Variants in FLNB observed in about 807,000 individuals in gnomAD.
FLNB encodes filamin B.
A neutral mutation model predicts 250.6 loss-of-function variants in FLNB; 111 were observed. The observed-to-expected ratio is 0.44, with a 90% CI of 0.38 to 0.52. The LOEUF (loss-of-function observed/expected upper bound fraction) is 0.52, where lower values mean the gene tolerates loss of function less well. Ranked by LOEUF, FLNB falls within the 20% of genes least tolerant of loss-of-function variation. FLNB has a pLI of 0.00. For synonymous variants in FLNB, 1,302 were observed against 1,372.1 expected (o/e 0.95, Z 1.13); for missense variants, 2,869 against 3,447.8 (o/e 0.83, Z 4.20).
chr3:58,024,916 T>C (rs1271814344), intron 1 of FLNB, among the ~76,000 whole-genome samples: 1 of 151,046 alleles, frequency 6.6e-6, no homozygotes, highest in Non-Finnish European at 1.5e-5. Flanking sequence ...TTTCATCATA[T>C]TGGCCAGGAT....
At chr3:58,159,796 C>A in intron 42 of FLNB, 110 bp downstream of exon 42, 1 of 1,159,196 alleles carries the variant, frequency 8.6e-7, no homozygotes, top group Non-Finnish European at 1.3e-6. Flanking sequence ...TGCCAGTGAG[C>A]CTCTGAATTC....
intron 2 of FLNB, chr3:58,078,324 A>G: frequency 6.9e-7 from 1 of 1,446,868 alleles, no homozygotes; most frequent in Non-Finnish European, 9.0e-7. Flanking sequence ...CCTTTGAGCA[A>G]GTGGATTTTT....
chr3:58,146,033 A>G lies in FLNB; in HGVS notation c.5538A>G (p.Thr1846=). 1 of 1,614,224 alleles carries G rather than the reference A, an allele frequency of 6.2e-7. No homozygotes were observed. The highest frequency in any genetic ancestry group is 8.5e-7 in the Non-Finnish European group (1 of 1,180,034). Residue 1846 remains threonine, a synonymous_variant, in exon 33 of 46, where the codon ACA becomes ACG. Coordinates refer to ENST00000295956, the MANE Select transcript of FLNB (RefSeq NM_001457.4). ...AAACTGCCACCTTCACCATCGTCAC[A>G]GAGGATGCAGGAGAAGGTACTGTGT... ...ANKTATFTIV[T]EDAGEGGLDL...
intron 1 of FLNB, among the ~76,000 whole-genome samples, chr3:58,029,460 G>T (rs942743231): frequency 6.6e-6 from 1 of 151,040 alleles, no homozygotes; most frequent in Admixed American, 6.6e-5. Flanking sequence ...CCTTTCTTCT[G>T]TTGGGTTTTT....
chr3:58,079,319 C>T (rs2097205879), intron 3 of FLNB, among the ~76,000 whole-genome samples: 1 of 149,002 alleles, frequency 6.7e-6, no homozygotes, highest in African/African-American at 2.5e-5. Flanking sequence ...GTGGTGTGAT[C>T]TCCACTCACT....
chr3:58,041,090 TG>T (rs2097145411), intron 1 of FLNB, among the ~76,000 whole-genome samples: 1 of 152,038 alleles, frequency 6.6e-6, no homozygotes. Context: ...CTGAGGAAAC[TG>T]AGGCTACATT....
chr3:58,030,767 G>A (rs914472406), intron 1 of FLNB, among the ~76,000 whole-genome samples: 4 of 152,184 alleles, frequency 2.6e-5, no homozygotes, highest in Middle Eastern at 3.4e-3. Flanking sequence ...CCAGCTACTC[G>A]GGTGGCTGAG....
intron 1 of FLNB, among the ~76,000 whole-genome samples, chr3:58,010,493 C>T (rs1357969207): frequency 6.6e-6 from 1 of 152,098 alleles, no homozygotes; most frequent in Non-Finnish European, 1.5e-5. Context: ...GAAGAATCTG[C>T]ATGGCACGCT....
intron 1 of FLNB, among the ~76,000 whole-genome samples, chr3:58,009,491 G>T (rs1196244217): frequency 6.6e-6 from 1 of 152,180 alleles, no homozygotes; most frequent in Non-Finnish European, 1.5e-5. Context: ...GCCGCGCGCC[G>T]CAGGTTGAAC....
chr3:58,117,141 C>T (rs752940435), intron 18 of FLNB, among the ~76,000 whole-genome samples: 2 of 152,096 alleles, frequency 1.3e-5, no homozygotes, highest in Non-Finnish European at 2.9e-5. Context: ...GAAGTCGTGG[C>T]GAAATGCACT....
chr3:58,047,090 G>A (rs1489993769), intron 1 of FLNB, among the ~76,000 whole-genome samples: 1 of 152,186 alleles, frequency 6.6e-6, no homozygotes, highest in Non-Finnish European at 1.5e-5. Context: ...TACATTTGGA[G>A]ATTAAAAGAC....
At chr3:58,069,104 T>C (rs2097190273) in intron 1 of FLNB, among the ~76,000 whole-genome samples, 1 of 149,770 alleles carries the variant, frequency 6.7e-6, no homozygotes, top group African/African-American at 2.5e-5. Flanking sequence ...GATTGTACCA[T>C]TGTATTCTAG....
chr3:58,106,180 G>A (rs2097259204), intron 11 of FLNB, among the ~76,000 whole-genome samples: 1 of 152,046 alleles, frequency 6.6e-6, no homozygotes, highest in Non-Finnish European at 1.5e-5. Flanking sequence ...AGTGCTGACT[G>A]TGTATCCTTG....
At chr3:58,040,820 C>CTTAAAGAATATAT (rs2097145095) in intron 1 of FLNB, among the ~76,000 whole-genome samples, 1 of 152,166 alleles carries the variant, frequency 6.6e-6, no homozygotes, top group Non-Finnish European at 1.5e-5. Context: ...AAATATACTC[C>CTTAAAGAATATAT]CCGCTCCATC....
intron 43 of FLNB, among the ~76,000 whole-genome samples, chr3:58,166,686 G>A (rs1188664394): frequency 6.6e-6 from 1 of 152,112 alleles, no homozygotes; most frequent in Non-Finnish European, 1.5e-5. Context: ...GCCAGGCGTG[G>A]TGGTGCATGC....
chr3:58,104,072 C>T lies in FLNB; in HGVS notation c.1597C>T (p.His533Tyr), dbSNP rs1221277532. Residue 533 changes from histidine to tyrosine, a missense_variant, in exon 10 of 46, where the codon CAC becomes TAC. His to Tyr is a moderately conservative substitution (Grantham distance 83, BLOSUM62 2). Transcript: ENST00000295956. ...YSIAITWGGH[H>Y]IPKSPFEVQV... Reference sequence around the variant, plus strand: ...CATTGCCATCACATGGGGGGGACACCACATTCCAAAGAGGTGAGGCTCCTG... The same window carrying T: ...CATTGCCATCACATGGGGGGGACACTACATTCCAAAGAGGTGAGGCTCCTG... 6.2e-7 allele frequency: 1 copy of T among 1,613,808 alleles called. No homozygotes were observed. Among genetic ancestry groups the T allele is most frequent in the South Asian group, 1.1e-5 (1 of 91,058 alleles).
At chr3:58,094,362 C>A (rs1254983361) in intron 4 of FLNB, among the ~76,000 whole-genome samples, 2 of 152,174 alleles carry the variant, frequency 1.3e-5, no homozygotes, top group African/African-American at 4.8e-5. Context: ...GCCACCGCTC[C>A]CAGCAAGGGC....
At chr3:58,029,539 C>G (rs544302561) in intron 1 of FLNB, among the ~76,000 whole-genome samples, 2 of 148,980 alleles carry the variant, frequency 1.3e-5, no homozygotes, top group African/African-American at 5.0e-5. Flanking sequence ...GAGTCTTGCT[C>G]TGTCGCCCAG....
chr3:58,032,253 A>C (rs1477230223), intron 1 of FLNB, among the ~76,000 whole-genome samples: 1 of 152,050 alleles, frequency 6.6e-6, no homozygotes, highest in Non-Finnish European at 1.5e-5. Context: ...TTTTAAAGAC[A>C]AGTTTGGGCC....
Sources: allele counts gnomAD v4.1 joint callset (sites outside exome capture counted in the v4.1 genomes callset), GRCh38; gene constraint gnomAD v4.1.1; transcripts MANE v1.5; gene names NCBI Gene and HGNC (gene_info 2026-07-23, HGNC 2026-07-21).